The following ADAMTS3 variants were observed in gnomAD, a reference collection of about 807,000 sequenced individuals.
ADAMTS3 encodes the protein A disintegrin and metalloproteinase with thrombospondin motifs 3.
Under a neutral mutation model 129.0 loss-of-function variants are expected in ADAMTS3, and 73 were observed. The ratio of observed to expected loss-of-function variants is 0.57; its 90% CI spans 0.47 to 0.69. ADAMTS3 has a LOEUF of 0.69. ADAMTS3 is among the 30% of genes least tolerant of loss of function. The pLI is 0.00. For missense variants in ADAMTS3, 1,457 were observed against 1,514.5 expected (o/e 0.96, Z 0.63); for synonymous variants, 477 against 510.8 (o/e 0.93, Z 0.89).
chr4:72,428,860 T>C (rs1480162593), intron 3 of ADAMTS3, among the ~76,000 whole-genome samples: 1 of 152,020 alleles, frequency 6.6e-6, no homozygotes, highest in Non-Finnish European at 1.5e-5. Context: ...TTTGAAAAGC[T>C]GCTCCCTGCC....
chr4:72,386,504 C>A (rs1379985407), intron 4 of ADAMTS3, among the ~76,000 whole-genome samples: 1 of 151,830 alleles, frequency 6.6e-6, no homozygotes, highest in South Asian at 2.1e-4. Context: ...ACCATCAGTG[C>A]AATAAGGGAG....
chr4:72,441,469 AATTTGTT>A (rs923796684), intron 3 of ADAMTS3, among the ~76,000 whole-genome samples: 6 of 151,700 alleles, frequency 4.0e-5, no homozygotes, highest in Non-Finnish European at 7.4e-5. Flanking sequence ...ATAATATTTC[AATTTGTT>A]ATTTGTTATT....
intron 4 of ADAMTS3, among the ~76,000 whole-genome samples, chr4:72,358,402 CTG>C (rs1720636003): frequency 6.6e-6 from 1 of 151,922 alleles, no homozygotes; most frequent in Admixed American, 6.6e-5. Flanking sequence ...AGCCTGGAGA[CTG>C]TATTTCAAGA....
chr4:72,437,711 G>A (rs1717986891), intron 3 of ADAMTS3, among the ~76,000 whole-genome samples: 1 of 151,612 alleles, frequency 6.6e-6, no homozygotes. Context: ...AATAGAATGG[G>A]CTCAGCTCTT....
chr4:72,406,458 T>C (rs1010743885), intron 4 of ADAMTS3, among the ~76,000 whole-genome samples: 3 of 152,194 alleles, frequency 2.0e-5, no homozygotes, highest in Non-Finnish European at 4.4e-5. Context: ...CACAATGAAA[T>C]CCTTTTATTA....
chr4:72,488,873 T>C (rs962446512), intron 3 of ADAMTS3, among the ~76,000 whole-genome samples: 3 of 151,852 alleles, frequency 2.0e-5, no homozygotes, highest in Admixed American at 6.6e-5. Context: ...AGAACTTAGA[T>C]CTCCAGAATG....
At chr4:72,506,812 G>A (rs1720170654) in intron 3 of ADAMTS3, among the ~76,000 whole-genome samples, 1 of 152,144 alleles carries the variant, frequency 6.6e-6, no homozygotes, top group Non-Finnish European at 1.5e-5. Context: ...CTGTCATGTG[G>A]CTGTTTGCCC....
chr4:72,327,979 G>A (rs145691089), intron 5 of ADAMTS3, among the ~76,000 whole-genome samples: 2 of 152,138 alleles, frequency 1.3e-5, no homozygotes, highest in African/African-American at 4.8e-5. Context: ...AATAAGAAAA[G>A]AAATAAAGGG....
At chr4:72,522,345 T>C (rs1320797187) in intron 3 of ADAMTS3, among the ~76,000 whole-genome samples, 1 of 152,110 alleles carries the variant, frequency 6.6e-6, no homozygotes, top group Non-Finnish European at 1.5e-5. Flanking sequence ...ATCCAATTAG[T>C]TTCTCCCCAG....
chr4:72,361,252 A>C (rs374092207), intron 4 of ADAMTS3, among the ~76,000 whole-genome samples: 1 of 152,164 alleles, frequency 6.6e-6, no homozygotes, highest in Non-Finnish European at 1.5e-5. Flanking sequence ...ATCTGTAACA[A>C]TGAAAATTAT....
rs575799834 is a variant in ADAMTS3 at position 72,468,330 on chromosome 4, A to G, written c.505-53359T>C. Among the ~76,000 whole-genome samples, 15 of 152,226 alleles carry G rather than the reference A, an allele frequency of 9.9e-5. No homozygotes were observed. The East Asian group carries it at 2.7e-3, about 28-fold the overall frequency. ...ACAGTCATCATGATCCAAAGTTTAC[A>G]GGAGTCTTAAGAAAAATAAATCAGG... is the stretch of plus-strand genomic sequence containing the variant. On this transcript the variant is annotated intron_variant, in intron 3 of 21. Transcript: ENST00000286657.
chr4:72,356,300 T>C (rs1262722465), intron 4 of ADAMTS3, among the ~76,000 whole-genome samples: 2 of 151,964 alleles, frequency 1.3e-5, no homozygotes, highest in Non-Finnish European at 2.9e-5. Flanking sequence ...AGGTAATTCA[T>C]ACATCCAAGA....
At chr4:72,338,513 C>T (rs901219916) in intron 5 of ADAMTS3, among the ~76,000 whole-genome samples, 6 of 152,080 alleles carry the variant, frequency 3.9e-5, no homozygotes, top group Admixed American at 2.6e-4. Flanking sequence ...CAGATATTAG[C>T]ATAAACAAAA....
intron 3 of ADAMTS3, 43 bp downstream of exon 3, chr4:72,548,435 C>T (rs1023922292): frequency 1.3e-6 from 2 of 1,587,670 alleles, no homozygotes; most frequent in Non-Finnish European, 1.7e-6. Context: ...TGGCTGCACT[C>T]CCAGCACCTG....
chr4:72,318,243 A>T (rs533431949), intron 10 of ADAMTS3, among the ~76,000 whole-genome samples: 2 of 152,156 alleles, frequency 1.3e-5, no homozygotes, highest in Non-Finnish European at 2.9e-5. Flanking sequence ...GGATGCAAAG[A>T]ACATGAAGAT....
At chr4:72,480,099 A>G (rs1043880316) in intron 3 of ADAMTS3, among the ~76,000 whole-genome samples, 7 of 152,198 alleles carry the variant, frequency 4.6e-5, no homozygotes, top group Admixed American at 4.6e-4. Context: ...TGTTGGTGGG[A>G]CTGTAAACGA....
intron 3 of ADAMTS3, among the ~76,000 whole-genome samples, chr4:72,530,591 TA>T (rs1720994345): frequency 1.1e-5 from 1 of 88,790 alleles, no homozygotes; most frequent in South Asian, 3.4e-4. Context: ...ATTAAATATA[TA>T]TTAATATTAA....
intron 3 of ADAMTS3, among the ~76,000 whole-genome samples, chr4:72,455,226 G>C (rs1368412665): frequency 6.6e-6 from 1 of 151,450 alleles, no homozygotes; most frequent in Non-Finnish European, 1.5e-5. Context: ...AACAAATATA[G>C]AAAAAACTTA....
intron 3 of ADAMTS3, among the ~76,000 whole-genome samples, chr4:72,515,177 A>T (rs1476684826): frequency 6.6e-6 from 1 of 152,098 alleles, no homozygotes; most frequent in Non-Finnish European, 1.5e-5. Context: ...ATCCTTTTTT[A>T]TGGCTGCATA....
Sources: allele counts gnomAD v4.1 joint callset (sites outside exome capture counted in the v4.1 genomes callset), GRCh38; gene constraint gnomAD v4.1.1; transcripts MANE v1.5; gene names NCBI Gene and HGNC (gene_info 2026-07-23, HGNC 2026-07-21).